PLXDC2: variants seen among roughly 807,000 people sequenced by gnomAD.
The protein encoded by PLXDC2 is plexin domain containing 2.
PLXDC2 carries 40 observed loss-of-function variants against 68.9 expected under a neutral mutation model. That is an observed-to-expected ratio of 0.58 (90% CI 0.45 to 0.76). PLXDC2 has a LOEUF of 0.76. Ranked by LOEUF, PLXDC2 falls within the 30% of genes least tolerant of loss-of-function variation. The probability of loss-of-function intolerance (pLI) is 0.00; values close to 1 mark genes in which losing one functional copy is unlikely to be tolerated. For missense variants in PLXDC2, 644 were observed against 661.9 expected (o/e 0.97, Z 0.30); for synonymous variants, 243 against 234.2 (o/e 1.04, Z -0.34).
At chr10:19,860,391 G>A (rs1312432296) in intron 1 of PLXDC2, among the ~76,000 whole-genome samples, 2 of 152,160 alleles carry the variant, frequency 1.3e-5, no homozygotes, top group African/African-American at 4.8e-5. Context: ...GTCCAATATT[G>A]TGCCTAGTGC....
rs1037167997 is a variant in PLXDC2 at position 19,905,232 on chromosome 10, A to G, written c.112+88041A>G. 9.8e-4 allele frequency among the ~76,000 whole-genome samples: 150 copies of G among 152,332 alleles called. 1 individual carries two copies. Among genetic ancestry groups the G allele is most frequent in the Non-Finnish European group, 5.9e-5 (4 of 68,034 alleles). ...AATTGGTGTATGAATGGGTTCTTGG[A>G]TGATTTTGGCATAGCCATAGCCATG... On this transcript the variant is annotated intron_variant, in intron 1 of 13. Coordinates refer to ENST00000377252, the MANE Select transcript of PLXDC2 (RefSeq NM_032812.9).
At chr10:20,003,986 G>T (rs528777699) in intron 2 of PLXDC2, among the ~76,000 whole-genome samples, 2 of 152,236 alleles carry the variant, frequency 1.3e-5, no homozygotes, top group Admixed American at 6.5e-5. Flanking sequence ...TGAAGTTTCA[G>T]TTCCTACTTT....
intron 4 of PLXDC2, among the ~76,000 whole-genome samples, chr10:20,098,077 T>TG (rs1045127683): frequency 3.3e-5 from 5 of 151,826 alleles, no homozygotes; most frequent in African/African-American, 9.7e-5. Flanking sequence ...GTTTTATTTG[T>TG]GGGGGGCGGT....
chr10:19,882,140 C>G (rs1004956873), intron 1 of PLXDC2, among the ~76,000 whole-genome samples: 2 of 152,110 alleles, frequency 1.3e-5, no homozygotes, highest in African/African-American at 4.8e-5. Context: ...TGATGGAACT[C>G]CAGCTGATAC....
At chr10:19,868,583 A>G (rs1837465833) in intron 1 of PLXDC2, among the ~76,000 whole-genome samples, 1 of 152,236 alleles carries the variant, frequency 6.6e-6, no homozygotes, top group South Asian at 2.1e-4. Flanking sequence ...TGCCATTGAA[A>G]CAAAAAATAT....
At chr10:20,158,501 C>CAAAAAAAAAAAAAAAAAA (rs59079629) in intron 6 of PLXDC2, among the ~76,000 whole-genome samples, 15 of 118,772 alleles carry the variant, frequency 1.3e-4, no homozygotes, top group Non-Finnish European at 2.1e-4. Context: ...TCTGTCTCTG[C>CAAAAAAAAAAAAAAAAAA]AAAAAAAAAA....
intron 1 of PLXDC2, among the ~76,000 whole-genome samples, chr10:19,999,268 A>T (rs1417841824): frequency 1.3e-5 from 2 of 152,182 alleles, no homozygotes; most frequent in African/African-American, 2.4e-5. Context: ...ATATCTAAAA[A>T]ATGGTAAAAA....
Position 20,164,500 on chromosome 10 carries a change from C to CAG in PLXDC2, c.817_818insGA (p.Asn273ArgfsTer5). 1 of 1,613,640 alleles carries CAG rather than the reference C, an allele frequency of 6.2e-7. No homozygotes were observed. The highest frequency in any genetic ancestry group is 1.1e-5 in the South Asian group (1 of 91,078). On this transcript the variant is annotated frameshift_variant, in exon 7 of 14. Coordinates refer to ENST00000377252, the MANE Select transcript of PLXDC2 (RefSeq NM_032812.9). LOFTEE classifies it high-confidence loss of function. ...TCTTGGTCACACAGATAAGTTCAAC[C>CAG]AATCATCCAGTGAAAGTCGGACTGT...
At chr10:20,244,840 G>A (rs1044217317) in intron 12 of PLXDC2, among the ~76,000 whole-genome samples, 1 of 152,212 alleles carries the variant, frequency 6.6e-6, no homozygotes, top group Non-Finnish European at 1.5e-5. Context: ...CACAGGCCAG[G>A]TGCGGTGGCT....
chr10:19,982,242 G>A (rs929110108), intron 1 of PLXDC2, among the ~76,000 whole-genome samples: 1 of 152,154 alleles, frequency 6.6e-6, no homozygotes, highest in Non-Finnish European at 1.5e-5. Flanking sequence ...AGGAAGAAAC[G>A]ACAACATGTC....
At chr10:19,827,255 A>ATTATCCTT (rs1836589728) in intron 1 of PLXDC2, among the ~76,000 whole-genome samples, 1 of 152,228 alleles carries the variant, frequency 6.6e-6, no homozygotes, top group South Asian at 2.1e-4. Flanking sequence ...ACTGATACAC[A>ATTATCCTT]GTCTTAATTA....
intron 3 of PLXDC2, among the ~76,000 whole-genome samples, chr10:20,057,724 G>A (rs1482166381): frequency 3.3e-5 from 5 of 152,046 alleles, no homozygotes; most frequent in South Asian, 2.1e-4. Context: ...GAAATGCCAA[G>A]TAAGGTTCAA....
chr10:19,862,927 G>A (rs1478137088), intron 1 of PLXDC2, among the ~76,000 whole-genome samples: 1 of 152,204 alleles, frequency 6.6e-6, no homozygotes, highest in Non-Finnish European at 1.5e-5. Context: ...CTGAGGAATA[G>A]CAGAAGCAGG....
intron 6 of PLXDC2, among the ~76,000 whole-genome samples, chr10:20,151,348 C>T (rs4390250): frequency 0.61 from 92,187 of 152,056 alleles, 28,347 homozygotes; most frequent in Middle Eastern, 0.69. Context: ...TAGTTTCCTA[C>T]AGCTTTAATA....
intron 1 of PLXDC2, among the ~76,000 whole-genome samples, chr10:19,898,484 G>C (rs1364813122): frequency 6.6e-6 from 1 of 152,274 alleles, no homozygotes; most frequent in East Asian, 1.9e-4. Flanking sequence ...AAAATGAACA[G>C]TGACAACAAA....
chr10:20,007,447 T>G (rs1271475126), intron 2 of PLXDC2, among the ~76,000 whole-genome samples: 2 of 152,238 alleles, frequency 1.3e-5, no homozygotes, highest in Admixed American at 1.3e-4. Flanking sequence ...ACATGCAATA[T>G]TTGGAAGTGT....
At chr10:20,132,943 A>T (rs1487665818) in intron 4 of PLXDC2, among the ~76,000 whole-genome samples, 3 of 151,560 alleles carry the variant, frequency 2.0e-5, no homozygotes, top group Non-Finnish European at 4.4e-5. Context: ...TGATTTGATA[A>T]TTTTTTGTCG....
chr10:20,110,801 T>C (rs1159191702), intron 4 of PLXDC2, among the ~76,000 whole-genome samples: 1 of 152,228 alleles, frequency 6.6e-6, no homozygotes, highest in East Asian at 1.9e-4. Context: ...GATCTCTGCA[T>C]GTTACAATTA....
At chr10:20,217,606 T>G in intron 11 of PLXDC2, 30 bp downstream of exon 11, 1 of 1,496,388 alleles carries the variant, frequency 6.7e-7, no homozygotes, top group African/African-American at 1.5e-5. Context: ...CTTTTTTTTT[T>G]TTTTTTTTTT....
Sources: allele counts gnomAD v4.1 joint callset (sites outside exome capture counted in the v4.1 genomes callset), GRCh38; gene constraint gnomAD v4.1.1; transcripts MANE v1.5; gene names NCBI Gene and HGNC (gene_info 2026-07-23, HGNC 2026-07-21).